Variants in BAHCC1 observed in about 807,000 individuals in gnomAD.
The protein encoded by BAHCC1 is BAH and coiled-coil domain-containing protein 1.
In BAHCC1, 43 loss-of-function variants were observed where a neutral mutation model predicts 88.2. The ratio of observed to expected loss-of-function variants is 0.49; its 90% CI spans 0.38 to 0.63. The LOEUF (loss-of-function observed/expected upper bound fraction) is 0.63, where lower values mean the gene tolerates loss of function less well. Ranked by LOEUF, BAHCC1 falls within the 20% of genes least tolerant of loss-of-function variation. The pLI is 0.00. For missense variants in BAHCC1, 3,023 were observed against 1,654.8 expected, an observed-to-expected ratio of 1.83 and a Z score of -14.34; for synonymous variants, 1,510 against 745.5, an observed-to-expected ratio of 2.03 and a Z score of -16.71.
At chr17:81,397,663 C>T (rs1357643465) in intron 1 of BAHCC1, among the ~76,000 whole-genome samples, 3 of 152,114 alleles carry the variant, frequency 2.0e-5, no homozygotes, top group Non-Finnish European at 4.4e-5. Context: ...CTGACCCCTG[C>T]GCTCGCAGCC....
At chr17:81,441,759 A>T in intron 4 of BAHCC1, 72 bp from the exon 5 acceptor site, 1 of 491,638 alleles carries the variant, frequency 2.0e-6, no homozygotes, top group Non-Finnish European at 3.7e-6. Flanking sequence ...CACCTGGAGC[A>T]CCTGTCTCAG....
chr17:81,431,873 C>G (rs889672242), intron 3 of BAHCC1, among the ~76,000 whole-genome samples: 4 of 152,186 alleles, frequency 2.6e-5, no homozygotes, highest in Non-Finnish European at 5.9e-5. Flanking sequence ...AGGGACTTAG[C>G]CAGGGACTTG....
intron 2 of BAHCC1, chr17:81,410,077 C>T (rs782420277): frequency 2.7e-6 from 1 of 376,392 alleles, no homozygotes; most frequent in South Asian, 1.8e-5. Context: ...AGTTGCCCTG[C>T]CCTGCTGGAG....
In BAHCC1 at chr17:81,410,615, G is replaced by A. The variant is rs545591990; in HGVS notation, c.178+10698G>A. Among the ~76,000 whole-genome samples the A allele has an allele frequency of 1.2e-4, 19 of 152,184 alleles. No individual in the cohort carries two copies. In the South Asian group the frequency reaches 1.7e-3, roughly 13 times the overall value. The stretch of plus-strand genomic sequence containing the variant: ...GAGGCACCACGGGTCCTGGCACCAC[G>A]GGTCCTGGCACCACGGGCAGTGCAG... On this transcript the variant is annotated intron_variant, in intron 2 of 27. Coordinates refer to ENST00000675386, the MANE Select transcript of BAHCC1 (RefSeq NM_001377448.1).
Position 81,447,366 on chromosome 17 carries a change from C to A in BAHCC1, c.3494C>A (p.Ala1165Glu). Residue 1165 changes from alanine (A) to glutamate (E), a missense_variant, in exon 11 of 28, where the codon GCA (alanine) becomes GAA (glutamate). Transcript: ENST00000675386. Reference sequence around the variant, plus strand: ...CTGCAATGTGCGGCCCTCCTGGAGGCAGGGGGCCCCGAGGCCACCGGCCAG... The same window carrying A: ...CTGCAATGTGCGGCCCTCCTGGAGGAAGGGGGCCCCGAGGCCACCGGCCAG... ...QELQCAALLE[A>E]GGPEATGQAH... The A allele has an allele frequency of 1.4e-6, 1 of 737,434 alleles. No individual in the cohort carries two copies. Among genetic ancestry groups the A allele is most frequent in the Non-Finnish European group, 2.5e-6 (1 of 397,468 alleles). 45.7% of individuals were successfully genotyped at this position (737,434 alleles called of 1,614,324 possible).
chr17:81,445,380 T>C lies in BAHCC1; in HGVS notation c.2862T>C (p.Asp954=), dbSNP rs547199138. Reference sequence around the variant, plus strand: ...GGAAGCCCGAAGACCAGCACCTGGATCTGGAGGAGCCCGCCCAGGAGAAGG... The same window carrying C: ...GGAAGCCCGAAGACCAGCACCTGGACCTGGAGGAGCCCGCCCAGGAGAAGG... The part of the protein sequence containing the change: ...FQRKPEDQHL[D]LEEPAQEKAP... Residue 954 remains aspartate, a synonymous_variant, in exon 10 of 28, where the codon GAT becomes GAC. Coordinates refer to ENST00000675386, the MANE Select transcript of BAHCC1 (RefSeq NM_001377448.1). The C allele has an allele frequency of 1.3e-4, 100 of 777,060 alleles. 1 individual carries two copies. In the East Asian group the frequency reaches 2.4e-3, roughly 19 times the overall value. The allele number at this position is 777,060 out of a possible 1,614,324, so 48.1% of individuals were successfully genotyped here. A position where few individuals can be genotyped will look rare whatever the true frequency, so the allele number is the denominator to read the frequency against.
chr17:81,418,844 C>A (rs972938161), intron 2 of BAHCC1, among the ~76,000 whole-genome samples: 12 of 76,550 alleles, frequency 1.6e-4, no homozygotes, highest in East Asian at 6.0e-4. Flanking sequence ...GCCACTCATC[C>A]CAGACATGTA....
chr17:81,455,257 A>G lies in BAHCC1; in HGVS notation c.4446-10A>G, dbSNP rs1340340750. On this transcript the variant is annotated splice_polypyrimidine_tract_variant and intron_variant, in intron 14 of 27. Coordinates refer to ENST00000675386, the MANE Select transcript of BAHCC1 (RefSeq NM_001377448.1). ...GCATCTGCCCTGCACCCACCACCCC[A>G]TGCCCCCAGGGCGGTGCGGACAAGC... 6 of 713,874 alleles carry G rather than the reference A, an allele frequency of 8.4e-6. No homozygotes were observed. Among genetic ancestry groups the G allele is most frequent in the Non-Finnish European group, 1.6e-5 (6 of 384,796 alleles). The allele number at this position is 713,874 out of a possible 1,614,324, so 44.2% of individuals were successfully genotyped here. A position where few individuals can be genotyped will look rare whatever the true frequency, so the allele number is the denominator to read the frequency against.
chr17:81,406,920 A>G, intron 2 of BAHCC1: 1 of 456,288 alleles, frequency 2.2e-6, no homozygotes, highest in Non-Finnish European at 4.4e-6. Context: ...TAGGTTCCCG[A>G]TCGGATCAGC....
chr17:81,449,804 C>G (rs1481504886), intron 11 of BAHCC1, among the ~76,000 whole-genome samples: 1 of 152,170 alleles, frequency 6.6e-6, no homozygotes, highest in African/African-American at 2.4e-5. Context: ...ATCTGCCCCT[C>G]CGAGCACCTC....
intron 27 of BAHCC1, 37 bp downstream of exon 27, chr17:81,463,013 G>A (rs782257879): frequency 2.5e-5 from 19 of 763,844 alleles, no homozygotes; most frequent in Admixed American, 1.4e-4. Context: ...AGCCCCCCTC[G>A]GGGCCCCAGG....
Position 81,445,623 on chromosome 17 carries a change from C to T in BAHCC1, c.3105C>T (p.Ala1035=), listed in dbSNP as rs569051529. The change falls in exon 10 of 28, where the codon GCC becomes GCT. Residue 1035 remains alanine (A), a synonymous_variant. Coordinates refer to ENST00000675386, the MANE Select transcript of BAHCC1 (RefSeq NM_001377448.1). ...GGCCTGGCTCCCGGGTGCGCAGCGC[C>T]GAGGAAAAGAATGGGGAGGGTCAGC... ...SPGPGSRVRS[A]EEKNGEGQQS... The T allele has an allele frequency of 4.4e-5, 32 of 733,202 alleles. No individual in the cohort carries two copies. Among genetic ancestry groups the T allele is most frequent in the Non-Finnish European group, 6.8e-5 (27 of 394,824 alleles). 45.4% of individuals were successfully genotyped at this position (733,202 alleles called of 1,614,324 possible).
chr17:81,407,492 G>C (rs2063896106), intron 2 of BAHCC1: 1 of 468,082 alleles, frequency 2.1e-6, no homozygotes, highest in South Asian at 1.5e-5. Flanking sequence ...CATGGCATGG[G>C]TGAGAGTGAG....
chr17:81,451,982 G>T lies in BAHCC1; in HGVS notation c.4191G>T (p.Leu1397=). The change falls in exon 13 of 28, where the codon CTG becomes CTT. Residue 1397 remains leucine (L), a synonymous_variant. Coordinates refer to ENST00000675386, the MANE Select transcript of BAHCC1 (RefSeq NM_001377448.1). The part of the protein sequence containing the change: ...WTPKTKPVCP[L]KAAIDRLDTQ... ...GCCCCCCCCACCAGGTGTGCCCCCTGAAGGCCGCCATCGACCGGCTGGACA... is the reference window on the plus strand; with the variant it reads ...GCCCCCCCCACCAGGTGTGCCCCCTTAAGGCCGCCATCGACCGGCTGGACA... 1.6e-6 allele frequency: 1 copy of T among 626,860 alleles called. No homozygotes were observed. Among genetic ancestry groups the T allele is most frequent in the Non-Finnish European group, 2.8e-6 (1 of 351,194 alleles). The allele number at this position is 626,860 out of a possible 1,614,324, so 38.8% of individuals were successfully genotyped here. A position where few individuals can be genotyped will look rare whatever the true frequency, so the allele number is the denominator to read the frequency against.
intron 11 of BAHCC1, among the ~76,000 whole-genome samples, chr17:81,448,157 G>A (rs543169993): frequency 8.5e-5 from 13 of 152,280 alleles, no homozygotes; most frequent in Admixed American, 4.6e-4. Context: ...AGGGGCTCGC[G>A]TCCTGGCAAG....
chr17:81,443,698 C>A (rs966154137), intron 5 of BAHCC1, 111 bp from the exon 6 acceptor site: 1 of 651,658 alleles, frequency 1.5e-6, no homozygotes. Flanking sequence ...ACCAGGGGAT[C>A]CTCCTCAGTG....
chr17:81,424,960 GCA>G (rs2064158764), intron 2 of BAHCC1, among the ~76,000 whole-genome samples: 2 of 148,922 alleles, frequency 1.3e-5, no homozygotes, highest in Middle Eastern at 3.4e-3. Flanking sequence ...GATGTGGTTG[GCA>G]TGATGTGGTT....
chr17:81,439,226 G>A (rs1167657580), intron 4 of BAHCC1, among the ~76,000 whole-genome samples: 1 of 152,210 alleles, frequency 6.6e-6, no homozygotes, highest in African/African-American at 2.4e-5. Context: ...CTCTGGTAGG[G>A]CGACATCTCA....
At chr17:81,459,370 G>T in intron 22 of BAHCC1, 42 bp downstream of exon 22, 1 of 767,696 alleles carries the variant, frequency 1.3e-6, no homozygotes, top group South Asian at 1.4e-5. Flanking sequence ...GGCCTGGCTG[G>T]CTTGTCCCAG....
Sources: allele counts gnomAD v4.1 joint callset (sites outside exome capture counted in the v4.1 genomes callset), GRCh38; gene constraint gnomAD v4.1.1; transcripts MANE v1.5; gene names NCBI Gene and HGNC (gene_info 2026-07-23, HGNC 2026-07-21).